HORMAD2: variants seen among roughly 807,000 people sequenced by gnomAD.
The protein encoded by HORMAD2 is HORMA domain containing 2.
HORMAD2 carries 45 observed loss-of-function variants against 38.8 expected under a neutral mutation model. That is an observed-to-expected ratio of 1.16 (90% CI 0.91 to 1.49). HORMAD2 has a LOEUF of 1.49. HORMAD2 is among the 40% of genes most tolerant of loss of function. HORMAD2 has a pLI of 0.00. For missense variants in HORMAD2, 338 were observed against 367.0 expected, an observed-to-expected ratio of 0.92 and a Z score of 0.65; for synonymous variants, 126 against 122.8, an observed-to-expected ratio of 1.03 and a Z score of -0.17.
At chr22:30,186,006 TG>T in the HORMAD2 span, among the ~76,000 whole-genome samples, 31,285 of 151,716 alleles carry the variant, frequency 0.21, 3,752 homozygotes, top group Middle Eastern at 0.38. Context: ...GTGTTTTTCT[TG>T]GGGGGGGAGG....
chr22:30,097,972 G>C (rs1920923150), intron 2 of HORMAD2, among the ~76,000 whole-genome samples: 1 of 152,162 alleles, frequency 6.6e-6, no homozygotes, highest in Non-Finnish European at 1.5e-5. Context: ...AGAATTTAGT[G>C]GGGTATGAAG....
At chr22:30,113,267 A>G (rs931374342) in intron 7 of HORMAD2, among the ~76,000 whole-genome samples, 1 of 151,210 alleles carries the variant, frequency 6.6e-6, no homozygotes, top group Non-Finnish European at 1.5e-5. Flanking sequence ...CTTTTTTTAG[A>G]TGGAGTCTCG....
chr22:30,175,348 C>G (rs1469053891), intron 10 of HORMAD2, among the ~76,000 whole-genome samples: 1 of 74,570 alleles, frequency 1.3e-5, no homozygotes, highest in Non-Finnish European at 3.3e-5. Flanking sequence ...ATTCCATTTT[C>G]CTTCCAAAGA....
At chr22:30,103,363 C>A (rs1425852543) in intron 3 of HORMAD2, 74 bp from the exon 4 acceptor site, 4 of 792,400 alleles carry the variant, frequency 5.0e-6, no homozygotes, top group Non-Finnish European at 8.6e-6. Context: ...AAGGAAATAC[C>A]CTATTTAGCA....
intron 1 of HORMAD2, among the ~76,000 whole-genome samples, chr22:30,086,125 T>G (rs542092637): frequency 3.8e-4 from 58 of 152,230 alleles, no homozygotes; most frequent in Non-Finnish European, 7.6e-4. Context: ...ATCTGGTTGT[T>G]TAAAAGTGTG....
chr22:30,093,062 T>A (rs189574804), intron 1 of HORMAD2, among the ~76,000 whole-genome samples: 2 of 152,312 alleles, frequency 1.3e-5, no homozygotes. Context: ...CATTTGAATC[T>A]GTAGATTGTT....
chr22:30,153,338 C>A (rs185012742), intron 10 of HORMAD2, among the ~76,000 whole-genome samples: 185 of 152,176 alleles, frequency 1.2e-3, no homozygotes, highest in Admixed American at 3.0e-3. Flanking sequence ...TTTATTCTAT[C>A]GCTTCCCTAA....
chr22:30,152,055 C>A (rs1016572479), intron 10 of HORMAD2, among the ~76,000 whole-genome samples: 3 of 151,784 alleles, frequency 2.0e-5, no homozygotes, highest in East Asian at 1.9e-4. Flanking sequence ...TTTGCTGTAC[C>A]CCCCTTACCA....
At chr22:30,123,068 A>G (rs1267404607) in intron 10 of HORMAD2, among the ~76,000 whole-genome samples, 2 of 152,214 alleles carry the variant, frequency 1.3e-5, no homozygotes, top group African/African-American at 2.4e-5. Flanking sequence ...GGTTCCTTCT[A>G]GTTCTTTAAC....
intron 2 of HORMAD2, among the ~76,000 whole-genome samples, chr22:30,096,894 T>C (rs539779123): frequency 6.6e-6 from 1 of 152,334 alleles, no homozygotes; most frequent in East Asian, 1.9e-4. Flanking sequence ...TATTTGATTG[T>C]CTTTCTTAAA....
At chr22:30,077,738 C>T (rs2068401779), upstream of HORMAD2, among the ~76,000 whole-genome samples, 1 of 152,176 alleles carries the variant, frequency 6.6e-6, no homozygotes, top group Non-Finnish European at 1.5e-5. Flanking sequence ...TCTTAAGAAG[C>T]TTAGGGACCT....
chr22:30,170,705 G>A (rs34545612), intron 10 of HORMAD2, among the ~76,000 whole-genome samples: 22,362 of 152,066 alleles, frequency 0.15, 3,453 homozygotes, highest in African/African-American at 0.38. Context: ...GTGAACTGCT[G>A]CTCTTCCTTC....
At chr22:30,144,133 A>G (rs540880879) in intron 10 of HORMAD2, among the ~76,000 whole-genome samples, 4 of 152,312 alleles carry the variant, frequency 2.6e-5, no homozygotes, top group African/African-American at 9.6e-5. Context: ...TCTTTGGCCA[A>G]TTCTTTCCCT....
chr22:30,104,108 T>G (rs1038223060), intron 4 of HORMAD2, among the ~76,000 whole-genome samples: 3 of 152,190 alleles, frequency 2.0e-5, no homozygotes, highest in Admixed American at 6.5e-5. Context: ...ATACACCTAT[T>G]ATGTACCCAC....
chr22:30,145,619 G>A (rs189990834), intron 10 of HORMAD2, among the ~76,000 whole-genome samples: 1 of 152,092 alleles, frequency 6.6e-6, no homozygotes, highest in South Asian at 2.1e-4. Flanking sequence ...CAGTGAACTT[G>A]AAGTAGAATA....
intron 10 of HORMAD2, among the ~76,000 whole-genome samples, chr22:30,154,065 G>A (rs1924921612): frequency 1.3e-5 from 2 of 151,946 alleles, no homozygotes; most frequent in Non-Finnish European, 2.9e-5. Flanking sequence ...ATCTGCTCTA[G>A]CCCAAGGCTC....
Position 30,122,080 on chromosome 22 carries a change from A to G in HORMAD2, c.685A>G (p.Ser229Gly), listed in dbSNP as rs750845659. 23 of 1,613,642 alleles carry G rather than the reference A, an allele frequency of 1.4e-5. No individual in the cohort carries two copies. The Admixed American group carries it at 3.7e-4, about 26-fold the overall frequency. Residue 229 changes from serine to glycine, a missense_variant, in exon 10 of 11, where the codon AGC (serine) becomes GGC (glycine). Coordinates refer to ENST00000336726, the MANE Select transcript of HORMAD2 (RefSeq NM_152510.4). ...QVGFVSTGFHSMKVKVMTEAT... is the reference protein window; with the variant it reads ...QVGFVSTGFHGMKVKVMTEAT... ...GGGATTTGTCTCCACTGGCTTTCAT[A>G]GCATGAAAGTAAAAGTCATGACAGA...
At chr22:30,190,897 T>A in the HORMAD2 span, among the ~76,000 whole-genome samples, 2 of 152,190 alleles carry the variant, frequency 1.3e-5, no homozygotes, top group South Asian at 4.1e-4. Context: ...AGAGCAAAGC[T>A]AATAGCCAAC....
chr22:30,104,289 T>G, intron 4 of HORMAD2, 112 bp from the exon 5 acceptor site: 1 of 783,120 alleles, frequency 1.3e-6, no homozygotes, highest in Non-Finnish European at 2.2e-6. Flanking sequence ...AAAGGTAAGA[T>G]GGTTATCAAC....
Sources: allele counts gnomAD v4.1 joint callset (sites outside exome capture counted in the v4.1 genomes callset), GRCh38; gene constraint gnomAD v4.1.1; transcripts MANE v1.5; gene names NCBI Gene and HGNC (gene_info 2026-07-23, HGNC 2026-07-21).